HDAC9: variants seen among roughly 807,000 people sequenced by gnomAD.
HDAC9 encodes the protein histone deacetylase 9.
HDAC9 carries 41 observed loss-of-function variants against 139.4 expected under a neutral mutation model. The ratio of observed to expected loss-of-function variants is 0.29; its 90% CI spans 0.23 to 0.38. The LOEUF is 0.38. Ranked by LOEUF, HDAC9 falls within the 10% of genes least tolerant of loss-of-function variation. The pLI is 1.00. For synonymous variants in HDAC9, 517 were observed against 476.2 expected, an observed-to-expected ratio of 1.09 and a Z score of -1.12; for missense variants, 1,147 against 1,297.0, an observed-to-expected ratio of 0.88 and a Z score of 1.78.
intron 1 of HDAC9, among the ~76,000 whole-genome samples, chr7:18,147,758 T>C (rs1235558310): frequency 6.6e-6 from 1 of 151,996 alleles, no homozygotes; most frequent in Non-Finnish European, 1.5e-5. Flanking sequence ...CCCATTTATC[T>C]ATTCTTTTAA....
At chr7:18,149,562 T>A (rs114738466) in intron 1 of HDAC9, among the ~76,000 whole-genome samples, 10,774 of 151,270 alleles carry the variant, frequency 0.071, 434 homozygotes, top group African/African-American at 0.098. Flanking sequence ...TATTATTATT[T>A]TTTTTTGAGA....
chr7:18,978,962 T>C (rs1784726053), intron 25 of HDAC9, among the ~76,000 whole-genome samples: 2 of 152,128 alleles, frequency 1.3e-5, no homozygotes. Flanking sequence ...TTTTTTTAAC[T>C]AACACAAAAA....
intron 16 of HDAC9, among the ~76,000 whole-genome samples, chr7:18,790,692 A>C (rs751991315): frequency 1.4e-4 from 21 of 152,224 alleles, no homozygotes; most frequent in African/African-American, 1.9e-4. Flanking sequence ...TATAAACTAA[A>C]TGTAGGTAAA....
intron 12 of HDAC9, among the ~76,000 whole-genome samples, chr7:18,675,141 A>G (rs569104520): frequency 1.3e-5 from 2 of 152,190 alleles, no homozygotes; most frequent in African/African-American, 4.8e-5. Flanking sequence ...CTCCTTGTGC[A>G]TATTTAAAGA....
chr7:18,842,343 C>T (rs1445897478), intron 21 of HDAC9, among the ~76,000 whole-genome samples: 1 of 152,044 alleles, frequency 6.6e-6, no homozygotes, highest in Admixed American at 6.6e-5. Context: ...TTTATCATAC[C>T]TCACAAATCC....
intron 1 of HDAC9, among the ~76,000 whole-genome samples, chr7:18,139,443 A>G (rs1302963115): frequency 6.6e-6 from 1 of 152,080 alleles, no homozygotes; most frequent in Non-Finnish European, 1.5e-5. Flanking sequence ...TTCTTATGAC[A>G]CTTTATTTTA....
intron 8 of HDAC9, among the ~76,000 whole-genome samples, chr7:18,636,940 A>G (rs998966586): frequency 3.3e-5 from 5 of 152,050 alleles, no homozygotes; most frequent in African/African-American, 1.2e-4. Flanking sequence ...AATTCTTAGT[A>G]ACTGCAAAAA....
chr7:18,482,148 G>A (rs1401940156), intron 1 of HDAC9, among the ~76,000 whole-genome samples: 2 of 151,754 alleles, frequency 1.3e-5, no homozygotes, highest in Non-Finnish European at 2.9e-5. Flanking sequence ...TAAGGTGATG[G>A]AAAAGATCAT....
At chr7:18,230,966 C>A (rs756873053) in intron 2 of HDAC9, among the ~76,000 whole-genome samples, 1 of 152,092 alleles carries the variant, frequency 6.6e-6, no homozygotes, top group Non-Finnish European at 1.5e-5. Flanking sequence ...AGAAAAGTAT[C>A]TTTGTCTTAA....
chr7:18,120,269 A>G (rs1784282125), intron 1 of HDAC9, among the ~76,000 whole-genome samples: 2 of 152,160 alleles, frequency 1.3e-5, no homozygotes, highest in South Asian at 4.1e-4. Flanking sequence ...CCCACAACAA[A>G]GAATTATGTG....
At chr7:18,196,399 C>T (rs888882169) in intron 2 of HDAC9, among the ~76,000 whole-genome samples, 1 of 152,082 alleles carries the variant, frequency 6.6e-6, no homozygotes, top group Non-Finnish European at 1.5e-5. Flanking sequence ...AAGCTTCAGA[C>T]AAACCTGGGC....
At chr7:18,280,070 G>A (rs960801529) in intron 2 of HDAC9, among the ~76,000 whole-genome samples, 6 of 152,098 alleles carry the variant, frequency 3.9e-5, no homozygotes, top group African/African-American at 1.2e-4. Context: ...AAGGACCTAC[G>A]TCAGTTATGT....
chr7:18,305,400 T>C (rs1268758703), intron 1 of HDAC9, among the ~76,000 whole-genome samples: 3 of 152,192 alleles, frequency 2.0e-5, no homozygotes, highest in Non-Finnish European at 2.9e-5. Flanking sequence ...GAAATATTGT[T>C]AGTTTCCCCA....
chr7:18,507,734 G>A (rs1563088076), intron 2 of HDAC9, among the ~76,000 whole-genome samples: 1 of 152,118 alleles, frequency 6.6e-6, no homozygotes, highest in Non-Finnish European at 1.5e-5. Context: ...CAGGTGATCC[G>A]CCTGCCTTGG....
chr7:18,783,693 A>G (rs968906211), intron 16 of HDAC9, among the ~76,000 whole-genome samples: 2 of 146,010 alleles, frequency 1.4e-5, no homozygotes, highest in African/African-American at 5.1e-5. Context: ...TTCCCGCTTT[A>G]GAATTTTCAA....
intron 22 of HDAC9, among the ~76,000 whole-genome samples, chr7:18,912,241 A>G (rs1271391792): frequency 6.6e-6 from 1 of 152,082 alleles, no homozygotes; most frequent in Admixed American, 6.6e-5. Context: ...GACCAGCACT[A>G]TAGATGAGCG....
chr7:18,351,118 T>C (rs1782816007), intron 1 of HDAC9, among the ~76,000 whole-genome samples: 1 of 152,210 alleles, frequency 6.6e-6, no homozygotes, highest in Non-Finnish European at 1.5e-5. Flanking sequence ...TTTTCTGCTT[T>C]ATTTTTTATT....
chr7:18,441,913 G>T (rs184183152), intron 1 of HDAC9, among the ~76,000 whole-genome samples: 1 of 151,970 alleles, frequency 6.6e-6, no homozygotes, highest in Non-Finnish European at 1.5e-5. Flanking sequence ...GACTACGGGC[G>T]CCCGCTACCA....
chr7:18,944,189 A>G (rs1241782371), intron 23 of HDAC9, among the ~76,000 whole-genome samples: 1 of 152,126 alleles, frequency 6.6e-6, no homozygotes, highest in Non-Finnish European at 1.5e-5. Context: ...ATAATAGTTC[A>G]TTAGCATGGA....
Sources: allele counts gnomAD v4.1 joint callset (sites outside exome capture counted in the v4.1 genomes callset), GRCh38; gene constraint gnomAD v4.1.1; transcripts MANE v1.5; gene names NCBI Gene and HGNC (gene_info 2026-07-23, HGNC 2026-07-21).